IPO8: variants seen among roughly 807,000 people sequenced by gnomAD.
The protein encoded by IPO8 is importin 8.
In IPO8, 65 loss-of-function variants were observed where a neutral mutation model predicts 141.2. That is an observed-to-expected ratio of 0.46 (90% CI 0.38 to 0.57). The LOEUF is 0.57. IPO8 is among the 20% of genes least tolerant of loss of function. The pLI, the probability that IPO8 is intolerant of heterozygous loss-of-function variation, is 0.00. For synonymous variants in IPO8, 411 were observed against 420.3 expected (o/e 0.98, Z 0.27); for missense variants, 980 against 1,246.8 (o/e 0.79, Z 3.22).
At chr12:30,665,580 T>C in intron 12 of IPO8, 149 bp downstream of exon 12, 1 of 627,474 alleles carries the variant, frequency 1.6e-6, no homozygotes, top group South Asian at 2.1e-5. Flanking sequence ...TCTTTTTAAT[T>C]AAAGAAATAG....
intron 5 of IPO8, 55 bp from the exon 6 acceptor site, chr12:30,676,642 C>G: frequency 7.9e-7 from 1 of 1,269,378 alleles, no homozygotes; most frequent in Non-Finnish European, 1.2e-6. Context: ...AAAAAATCAG[C>G]AATTTTATCT....
At chr12:30,679,982 T>G (rs1287121619) in intron 5 of IPO8, among the ~76,000 whole-genome samples, 3 of 152,070 alleles carry the variant, frequency 2.0e-5, no homozygotes, top group Admixed American at 6.5e-5. Context: ...CTTATAGCAT[T>G]CAGATTTTTT....
At chr12:30,650,106 A>G (rs190091925) in intron 19 of IPO8, among the ~76,000 whole-genome samples, 1 of 152,020 alleles carries the variant, frequency 6.6e-6, no homozygotes, top group Non-Finnish European at 1.5e-5. Flanking sequence ...AAAGCAAAAC[A>G]TTAAAAATAT....
intron 23 of IPO8, 56 bp downstream of exon 23, chr12:30,634,027 T>G: frequency 6.7e-7 from 1 of 1,485,166 alleles, no homozygotes. Context: ...CAGGAAGAAA[T>G]GAAGAAAGAG....
chr12:30,646,752 AT>A (rs2052652722), intron 20 of IPO8, among the ~76,000 whole-genome samples: 1 of 152,196 alleles, frequency 6.6e-6, no homozygotes, highest in South Asian at 2.1e-4. Flanking sequence ...ATATAAAAAT[AT>A]TTTAGGAATA....
rs186445861 is a variant in IPO8 at position 30,687,966 on chromosome 12, C to T, written c.166+2530G>A. ...GTCCCACATCTGTCACCACTGATGA[C>T]CTCTTCAGGTCTAATACCTCTCAAC... On this transcript the variant is annotated intron_variant, in intron 2 of 24. Coordinates refer to ENST00000256079, the MANE Select transcript of IPO8 (RefSeq NM_006390.4). Among the ~76,000 whole-genome samples, 40 of 151,982 alleles carry T rather than the reference C, an allele frequency of 2.6e-4. 1 individual carries two copies. Among genetic ancestry groups the T allele is most frequent in the Non-Finnish European group, 3.2e-4 (22 of 67,948 alleles).
At position 30,639,609 on chromosome 12, in the gene IPO8, G is replaced by A. The variant is rs916701937; in HGVS notation, c.2395C>T (p.His799Tyr). The stretch of plus-strand genomic sequence containing the variant: ...GGCAACTGAATTCGTTCTAAAGTAT[G>A]TAGCAGCAAATCAGGGTTGTAGTAC... The part of the protein sequence containing the change: ...ALYYNPDLLL[H>Y]TLERIQLPHN... The change falls in exon 21 of 25, where the codon CAT (histidine) becomes TAT (tyrosine). Residue 799 changes from histidine (H) to tyrosine (Y), a missense_variant. Around this residue, in one of 3 missense-constraint regions of IPO8, gnomAD observed 924 missense variants for 1,153.9 expected, o/e 0.80. Transcript: ENST00000256079. 9 of 1,614,054 alleles carry A rather than the reference G, an allele frequency of 5.6e-6. No individual in the cohort carries two copies. The highest frequency in any genetic ancestry group is 7.6e-6 in the Non-Finnish European group (9 of 1,179,926).
chr12:30,655,735 A>G (rs1052727733), intron 17 of IPO8, among the ~76,000 whole-genome samples: 3 of 152,222 alleles, frequency 2.0e-5, no homozygotes, highest in African/African-American at 7.2e-5. Context: ...GTTATATTCA[A>G]GTACTCTTCA....
intron 2 of IPO8, among the ~76,000 whole-genome samples, chr12:30,690,074 G>C (rs1185258398): frequency 6.6e-6 from 1 of 152,194 alleles, no homozygotes; most frequent in Non-Finnish European, 1.5e-5. Context: ...GCAGTCACCT[G>C]GGTTAGGAAC....
At chr12:30,688,987 G>A (rs2053267399) in intron 2 of IPO8, among the ~76,000 whole-genome samples, 1 of 152,000 alleles carries the variant, frequency 6.6e-6, no homozygotes, top group African/African-American at 2.4e-5. Flanking sequence ...AATCGTTTAA[G>A]TAAACCATGG....
At chr12:30,637,463 C>T (rs7968760) in intron 21 of IPO8, among the ~76,000 whole-genome samples, 38,754 of 151,936 alleles carry the variant, frequency 0.26, 5,430 homozygotes, top group African/African-American at 0.35. Flanking sequence ...ATATGGGCCT[C>T]GGCATAAGGA....
chr12:30,655,002 T>G (rs1056757167), intron 17 of IPO8, among the ~76,000 whole-genome samples: 13 of 152,096 alleles, frequency 8.5e-5, no homozygotes, highest in African/African-American at 3.1e-4. Context: ...ATATACATGA[T>G]GGAGTACCAG....
At chr12:30,665,866 A>G (rs1565502917) in intron 11 of IPO8, 21 bp from the exon 12 acceptor site, 3 of 1,489,610 alleles carry the variant, frequency 2.0e-6, no homozygotes, top group Admixed American at 1.7e-5. Context: ...AGAAGAATCC[A>G]TTTAGTCTAC....
rs764894566 is a variant in IPO8 at position 30,630,932 on chromosome 12, C to G, written c.3042G>C (p.Gln1014His). Residue 1014 changes from glutamine (Q) to histidine (H), a missense_variant, in exon 25 of 25, where the codon CAG (glutamine) becomes CAC (histidine). Coordinates refer to ENST00000256079, the MANE Select transcript of IPO8 (RefSeq NM_006390.4). Reference sequence around the variant, plus strand: ...CTTTGTTTTCAAAGGTGAAGCCTCCCTGTTGTTCAATCTTCTTCTTTGCCT... The same window carrying G: ...CTTTGTTTTCAAAGGTGAAGCCTCCGTGTTGTTCAATCTTCTTCTTTGCCT... ...VAEAKKKIEQ[Q>H]GGFTFENKGV... 1.2e-6 allele frequency: 2 copies of G among 1,613,436 alleles called. No homozygotes were observed. The highest frequency in any genetic ancestry group is 2.2e-5 in the South Asian group (2 of 91,040).
At chr12:30,674,185 A>C in intron 7 of IPO8, 111 bp from the exon 8 acceptor site, 1 of 638,746 alleles carries the variant, frequency 1.6e-6, no homozygotes, top group Admixed American at 2.8e-5. Context: ...TGGGACAGAA[A>C]ACTAACACTG....
chr12:30,684,848 A>G (rs1461116472), intron 2 of IPO8, among the ~76,000 whole-genome samples: 4 of 152,150 alleles, frequency 2.6e-5, no homozygotes, highest in Non-Finnish European at 5.9e-5. Context: ...CCCACTGGCT[A>G]CTGTCAAACA....
intron 1 of IPO8, among the ~76,000 whole-genome samples, chr12:30,691,422 T>C (rs11051032): frequency 0.01 from 1,549 of 152,288 alleles, 35 homozygotes; most frequent in East Asian, 0.083. Context: ...CTGGGTCACT[T>C]CACCCCACAG....
chr12:30,691,100 G>A (rs144119262), intron 1 of IPO8, among the ~76,000 whole-genome samples: 1,561 of 152,008 alleles, frequency 0.01, 25 homozygotes, highest in African/African-American at 0.035. Flanking sequence ...TCTTTTATTT[G>A]ACCTATACAT....
At chr12:30,637,702 T>C (rs751296169) in intron 21 of IPO8, among the ~76,000 whole-genome samples, 4 of 152,072 alleles carry the variant, frequency 2.6e-5, no homozygotes, top group Non-Finnish European at 5.9e-5. Context: ...TCCTGTGCTA[T>C]AAAATAGCAT....
Sources: allele counts gnomAD v4.1 joint callset (sites outside exome capture counted in the v4.1 genomes callset), GRCh38; gene constraint gnomAD v4.1.1; regional missense constraint gnomAD v4.1.1; transcripts MANE v1.5; gene names NCBI Gene and HGNC (gene_info 2026-07-23, HGNC 2026-07-21).